The following GSDMC variants were observed in gnomAD, a reference collection of about 807,000 sequenced individuals.
The protein encoded by GSDMC is gasdermin-C.
GSDMC carries 59 observed loss-of-function variants against 58.0 expected under a neutral mutation model. The ratio of observed to expected loss-of-function variants is 1.02; its 90% confidence interval spans 0.82 to 1.26. The LOEUF (loss-of-function observed/expected upper bound fraction) is 1.26. Among genes scored for constraint, GSDMC ranks in the 50% most tolerant of loss-of-function variants. GSDMC has a pLI of 0.00. For missense variants in GSDMC, 659 were observed against 598.5 expected (o/e 1.10, Z -1.06); for synonymous variants, 241 against 220.2 (o/e 1.09, Z -0.83).
rs201944967 is a variant in GSDMC at position 129,765,651 on chromosome 8, C to T, written c.547G>A (p.Ala183Thr). The change falls in exon 4 of 14, where the codon GCT (alanine) becomes ACT (threonine). Residue 183 changes from alanine (A) to threonine (T), a missense_variant. Ala to Thr is a moderately conservative substitution (Grantham distance 58, BLOSUM62 0). Coordinates refer to ENST00000276708, the MANE Select transcript of GSDMC (RefSeq NM_031415.3). Reference sequence around the variant, plus strand: ...ACCTTGCCATAGGTAATCCAAAGAGCAATTTTCCCTAAAATATTCACACTA... The same window carrying T: ...ACCTTGCCATAGGTAATCCAAAGAGTAATTTTCCCTAAAATATTCACACTA... The part of the protein sequence containing the change: ...SSSVNILGKI[A>T]LWITYGKGQG... 283 of 1,613,596 alleles carry T rather than the reference C, an allele frequency of 1.8e-4. No homozygotes were observed. Among genetic ancestry groups the T allele is most frequent in the South Asian group, 4.1e-4 (37 of 91,068 alleles).
the GSDMC span, among the ~76,000 whole-genome samples, chr8:129,727,509 G>A: frequency 2.6e-5 from 4 of 152,264 alleles, no homozygotes; most frequent in Middle Eastern, 3.4e-3. Flanking sequence ...TCACATTTCC[G>A]TGGGGATCCG....
At chr8:129,764,069 T>C (rs149824688) in intron 4 of GSDMC, among the ~76,000 whole-genome samples, 29 of 152,366 alleles carry the variant, frequency 1.9e-4, no homozygotes, top group African/African-American at 7.0e-4. Context: ...TAAAATATTA[T>C]CTCTTAAAGA....
chr8:129,752,655 A>T, intron 7 of GSDMC, 43 bp downstream of exon 7: 1 of 1,608,198 alleles, frequency 6.2e-7, no homozygotes, highest in South Asian at 1.1e-5. Context: ...CACAAAGAAA[A>T]GCATCAACAT....
At chr8:129,741,473 A>C in the GSDMC span, among the ~76,000 whole-genome samples, 1 of 152,136 alleles carries the variant, frequency 6.6e-6, no homozygotes, top group East Asian at 1.9e-4. Context: ...CAGTCCATGA[A>C]CATGGGATTT....
intron 3 of GSDMC, among the ~76,000 whole-genome samples, chr8:129,769,669 A>T (rs2033986938): frequency 6.6e-6 from 1 of 151,176 alleles, no homozygotes; most frequent in Non-Finnish European, 1.5e-5. Context: ...TCATGAGGGC[A>T]GAGCACTTAT....
chr8:129,735,361 C>T, the GSDMC span, among the ~76,000 whole-genome samples: 2 of 152,218 alleles, frequency 1.3e-5, no homozygotes, highest in African/African-American at 4.8e-5. Context: ...ACATTCTTCT[C>T]AGCACCACAT....
chr8:129,727,714 A>G, the GSDMC span, among the ~76,000 whole-genome samples: 1 of 152,226 alleles, frequency 6.6e-6, no homozygotes, highest in Non-Finnish European at 1.5e-5. Flanking sequence ...ACCCGGTAGC[A>G]TGACTGCGCA....
chr8:129,723,708 A>G, the GSDMC span, among the ~76,000 whole-genome samples: 1 of 152,174 alleles, frequency 6.6e-6, no homozygotes, highest in East Asian at 1.9e-4. Context: ...TTCCAAAATA[A>G]AAAGAGACCC....
At chr8:129,712,113 T>G in the GSDMC span, among the ~76,000 whole-genome samples, 26 of 152,184 alleles carry the variant, frequency 1.7e-4, no homozygotes, top group Non-Finnish European at 3.5e-4. Context: ...TCTTAATTAA[T>G]TAAGAATAAT....
intron 5 of GSDMC, among the ~76,000 whole-genome samples, chr8:129,761,892 G>A (rs930241171): frequency 2.0e-5 from 3 of 152,234 alleles, no homozygotes; most frequent in Non-Finnish European, 4.4e-5. Context: ...CCATGTTGCA[G>A]TGAGGATACT....
At chr8:129,769,174 T>TA (rs934980736) in intron 3 of GSDMC, among the ~76,000 whole-genome samples, 11 of 152,064 alleles carry the variant, frequency 7.2e-5, no homozygotes, top group African/African-American at 2.7e-4. Flanking sequence ...TTTGTGACAC[T>TA]AAAAATTTCC....
intron 4 of GSDMC, among the ~76,000 whole-genome samples, chr8:129,763,471 C>CTCCTGAAAGATT (rs2033746499): frequency 6.6e-6 from 1 of 152,158 alleles, no homozygotes; most frequent in Admixed American, 6.5e-5. Context: ...CAGAACCTTC[C>CTCCTGAAAGATT]TTGTATTTCC....
At chr8:129,709,602 A>G in the GSDMC span, among the ~76,000 whole-genome samples, 1 of 150,724 alleles carries the variant, frequency 6.6e-6, no homozygotes, top group Non-Finnish European at 1.5e-5. Context: ...ATAGATAGAT[A>G]GATAGATAGA....
At chr8:129,727,725 G>C in the GSDMC span, among the ~76,000 whole-genome samples, 3 of 152,182 alleles carry the variant, frequency 2.0e-5, no homozygotes, top group Non-Finnish European at 4.4e-5. Context: ...TGACTGCGCA[G>C]GCATTTTAGT....
Position 129,748,729 on chromosome 8 carries a change from G to T in GSDMC, c.1299C>A (p.Ile433=). ...LLQQQELVRS[I]LEPNFRYPWS... ...AGGGGTATCTGAAGTTTGGCTCCAG[G>T]ATGCTCCTTACCTAGAAGAAAGATG... Residue 433 remains isoleucine (I), a synonymous_variant, in exon 14 of 14, where the codon ATC becomes ATA. Transcript: ENST00000276708. 6.5e-7 allele frequency: 1 copy of T among 1,529,836 alleles called. No individual in the cohort carries two copies. The highest frequency in any genetic ancestry group is 8.8e-7 in the Non-Finnish European group (1 of 1,140,834). 94.8% of individuals were successfully genotyped at this position (1,529,836 alleles called of 1,614,324 possible).
chr8:129,777,529 T>C lies in GSDMC; in HGVS notation c.59A>G (p.Asp20Gly). 6.2e-7 allele frequency: 1 copy of C among 1,613,560 alleles called. No individual in the cohort carries two copies. The highest frequency in any genetic ancestry group is 8.5e-7 in the Non-Finnish European group (1 of 1,179,570). The change falls in exon 2 of 14, where the codon GAC becomes GGC. Residue 20 changes from aspartate to glycine, a missense_variant. Transcript: ENST00000276708. ...CAATAGGTATTTGACAGGTGTCAGG[T>C]CTTTGCTTCCAATCTCTTTGACCAA... ...KNLVKEIGSK[D>G]LTPVKYLLSA...
rs755612165 is a variant in GSDMC at position 129,748,590 on chromosome 8, G to T, written c.1438C>A (p.Pro480Thr). The T allele has an allele frequency of 3.7e-6, 6 of 1,613,724 alleles. No homozygotes were observed. The highest frequency in any genetic ancestry group is 5.1e-6 in the Non-Finnish European group (6 of 1,179,790). Residue 480 changes from proline to threonine, a missense_variant, in exon 14 of 14, where the codon CCC (proline) becomes ACC (threonine). Coordinates refer to ENST00000276708, the MANE Select transcript of GSDMC (RefSeq NM_031415.3). ...ECGLRMELDN[P>T]RSTWDVEAKM... ...GCTTCTACATCCCAGGTTGACCTGG[G>T]GTTATCCAGCTCCATCCTAAGGCCA...
At position 129,776,181 on chromosome 8, in the gene GSDMC, C is replaced by T. The variant is rs191844570; in HGVS notation, c.325G>A (p.Ala109Thr). The change falls in exon 3 of 14, where the codon GCC becomes ACC. Residue 109 changes from alanine (A) to threonine (T), a missense_variant. Transcript: ENST00000276708. ...VGIEVSVSGEASVDHGCSLEF... is the reference protein window; with the variant it reads ...VGIEVSVSGETSVDHGCSLEF... ...AGGGAGCATCCATGGTCCACAGAGG[C>T]CTCCCCTGACACACTCACTTCTATA... is the stretch of plus-strand genomic sequence containing the variant. The T allele has an allele frequency of 4.8e-4, 774 of 1,613,782 alleles. 9 individuals carry two copies. In the South Asian group the frequency reaches 7.4e-3, roughly 15 times the overall value.
intron 5 of GSDMC, among the ~76,000 whole-genome samples, chr8:129,761,559 C>T (rs988401856): frequency 6.6e-6 from 1 of 152,126 alleles, no homozygotes; most frequent in Admixed American, 6.6e-5. Flanking sequence ...TTTATCTGAC[C>T]ACATCATTTT....
Sources: gnomAD v4.1 joint callset for allele counts (sites outside exome capture counted in the v4.1 genomes callset) on GRCh38, gnomAD v4.1.1 for gene constraint, MANE v1.5 for transcripts, NCBI Gene and HGNC (gene_info 2026-07-23, HGNC 2026-07-21) for gene names.